ADAM10: variants seen among roughly 807,000 people sequenced by gnomAD.
ADAM10 encodes the protein disintegrin and metalloproteinase domain-containing protein 10.
Under a neutral mutation model 90.1 loss-of-function variants are expected in ADAM10, and 17 were observed. That is an observed-to-expected ratio of 0.19 (90% CI 0.13 to 0.28). ADAM10 has a LOEUF of 0.28. ADAM10 is among the 10% of genes least tolerant of loss of function. The pLI, the probability that ADAM10 is intolerant of heterozygous loss-of-function variation, is 1.00. For missense variants in ADAM10, 610 were observed against 914.3 expected, an observed-to-expected ratio of 0.67 and a Z score of 4.29; for synonymous variants, 310 against 298.6, an observed-to-expected ratio of 1.04 and a Z score of -0.40.
At chr15:58,712,103 G>C (rs990439771) in intron 2 of ADAM10, among the ~76,000 whole-genome samples, 1 of 152,054 alleles carries the variant, frequency 6.6e-6, no homozygotes, top group Non-Finnish European at 1.5e-5. Flanking sequence ...ATCTAAGACA[G>C]ATATTTATTC....
intron 11 of ADAM10, among the ~76,000 whole-genome samples, chr15:58,612,296 A>G (rs983498604): frequency 1.1e-4 from 17 of 152,148 alleles, no homozygotes; most frequent in African/African-American, 4.1e-4. Context: ...TTCAGGTAAT[A>G]ATGCCTTGGC....
At chr15:58,601,142 G>A (rs1895096825) in intron 14 of ADAM10, among the ~76,000 whole-genome samples, 1 of 152,094 alleles carries the variant, frequency 6.6e-6, no homozygotes, top group Admixed American at 6.6e-5. Context: ...AAAGTTGCAA[G>A]TACAATTCAA....
At chr15:58,749,061 T>TGA (rs1899887708) in intron 1 of ADAM10, 2 of 398,886 alleles carry the variant, frequency 5.0e-6, no homozygotes, top group African/African-American at 4.1e-5. Flanking sequence ...GTGAGCAGGA[T>TGA]GAGCGCTGAA....
chr15:58,610,605 G>GA (rs1370033590), intron 13 of ADAM10, 88 bp from the exon 14 acceptor site: 83 of 1,294,284 alleles, frequency 6.4e-5, no homozygotes, highest in Middle Eastern at 1.8e-4. Flanking sequence ...TACAAAGAGG[G>GA]AAAAAAAACT....
At chr15:58,743,856 C>A (rs1899697327) in intron 1 of ADAM10, among the ~76,000 whole-genome samples, 1 of 152,228 alleles carries the variant, frequency 6.6e-6, no homozygotes, top group African/African-American at 2.4e-5. Context: ...GATCCGCCTG[C>A]CTCAGCCTCC....
intron 2 of ADAM10, among the ~76,000 whole-genome samples, chr15:58,694,002 C>A (rs191071190): frequency 6.6e-6 from 1 of 152,144 alleles, no homozygotes; most frequent in African/African-American, 2.4e-5. Context: ...TAAATCAGAA[C>A]TAGAATAATA....
chr15:58,687,477 T>C (rs1282970623), intron 2 of ADAM10, among the ~76,000 whole-genome samples: 1 of 152,148 alleles, frequency 6.6e-6, no homozygotes. Flanking sequence ...ACTTTGATGA[T>C]GTGAATCTGA....
chr15:58,665,702 A>C (rs1295651443), intron 4 of ADAM10, among the ~76,000 whole-genome samples: 1 of 152,070 alleles, frequency 6.6e-6, no homozygotes, highest in Admixed American at 6.6e-5. Context: ...AGGACCATTA[A>C]GACTATTCTC....
chr15:58,643,837 T>C (rs201727124), intron 7 of ADAM10, 49 bp downstream of exon 7: 9 of 1,323,962 alleles, frequency 6.8e-6, no homozygotes, highest in Non-Finnish European at 9.8e-6. Flanking sequence ...GTAAACATAG[T>C]CTGGACTGTT....
chr15:58,737,507 T>C (rs970517815), intron 1 of ADAM10, among the ~76,000 whole-genome samples: 1 of 152,172 alleles, frequency 6.6e-6, no homozygotes, highest in Admixed American at 6.5e-5. Context: ...TAACTACTAT[T>C]TGACTTTCCT....
intron 2 of ADAM10, chr15:58,691,084 T>A (rs1291183251): frequency 1.1e-5 from 7 of 641,700 alleles, no homozygotes; most frequent in Non-Finnish European, 2.1e-5. Context: ...GCTTTCATGA[T>A]CCACTTCATA....
At chr15:58,689,945 C>CCCCA (rs1205344374) in intron 2 of ADAM10, among the ~76,000 whole-genome samples, 1 of 84,650 alleles carries the variant, frequency 1.2e-5, no homozygotes, top group African/African-American at 7.8e-5. Context: ...CAAAGACAGA[C>CCCCA]CCCCCCCAAA....
intron 5 of ADAM10, among the ~76,000 whole-genome samples, chr15:58,648,867 A>G (rs1896618574): frequency 6.6e-6 from 1 of 152,084 alleles, no homozygotes; most frequent in Non-Finnish European, 1.5e-5. Flanking sequence ...CTTAAAATCT[A>G]CTTTGGCTGA....
chr15:58,625,061 T>C (rs1895897740), intron 10 of ADAM10, among the ~76,000 whole-genome samples: 1 of 152,130 alleles, frequency 6.6e-6, no homozygotes, highest in Non-Finnish European at 1.5e-5. Flanking sequence ...ATAACAAAAA[T>C]GATAACATCA....
At chr15:58,610,575 C>A in intron 13 of ADAM10, 58 bp from the exon 14 acceptor site, 3 of 1,517,438 alleles carry the variant, frequency 2.0e-6, no homozygotes, top group Non-Finnish European at 2.7e-6. Context: ...AGTTGAAGAT[C>A]AGATTTCCAG....
chr15:58,691,829 T>C (rs1200882106), intron 2 of ADAM10, among the ~76,000 whole-genome samples: 1 of 151,646 alleles, frequency 6.6e-6, no homozygotes, highest in Non-Finnish European at 1.5e-5. Context: ...ATTACAGGCG[T>C]TGTGCCCAGC....
In ADAM10 at chr15:58,741,763, C is replaced by A. The variant is rs149854947; in HGVS notation, c.55+7717G>T. Among the ~76,000 whole-genome samples, 301 of 151,954 alleles carry A rather than the reference C, an allele frequency of 2.0e-3. 1 individual carries two copies. Among genetic ancestry groups the A allele is most frequent in the African/African-American group, 6.8e-3 (281 of 41,538 alleles). ...TACTTATTTCTACGATCATTCTAAT[C>A]CAAGACTCAATCACCCAATTTGTCA... On this transcript the variant is annotated intron_variant, in intron 1 of 15. Coordinates refer to ENST00000260408, the MANE Select transcript of ADAM10 (RefSeq NM_001110.4).
intron 3 of ADAM10, among the ~76,000 whole-genome samples, chr15:58,681,613 C>A (rs1299030847): frequency 6.6e-6 from 1 of 152,138 alleles, no homozygotes; most frequent in East Asian, 1.9e-4. Flanking sequence ...TTTATGACTT[C>A]TATAGTTGTT....
chr15:58,699,286 A>G (rs1484846695), intron 2 of ADAM10, among the ~76,000 whole-genome samples: 1 of 152,228 alleles, frequency 6.6e-6, no homozygotes, highest in Non-Finnish European at 1.5e-5. Flanking sequence ...TGTACAAGAA[A>G]TGCTCAAAGG....
Sources: allele counts gnomAD v4.1 joint callset (sites outside exome capture counted in the v4.1 genomes callset), GRCh38; gene constraint gnomAD v4.1.1; transcripts MANE v1.5; gene names NCBI Gene and HGNC (gene_info 2026-07-23, HGNC 2026-07-21).